DNAJB12: variants seen among roughly 807,000 people sequenced by gnomAD.
DNAJB12 encodes the protein dnaJ homolog subfamily B member 12.
DNAJB12 carries 14 observed loss-of-function variants against 40.6 expected under a neutral mutation model. The ratio of observed to expected loss-of-function variants is 0.34; its 90% CI spans 0.23 to 0.54. The LOEUF is 0.54. Ranked by LOEUF, DNAJB12 falls within the 20% of genes least tolerant of loss-of-function variation. DNAJB12 has a pLI of 0.92. For missense variants in DNAJB12, 444 were observed against 501.7 expected, an observed-to-expected ratio of 0.89 and a Z score of 1.10; for synonymous variants, 181 against 199.5, an observed-to-expected ratio of 0.91 and a Z score of 0.78.
chr10:72,344,818 C>T, intron 2 of DNAJB12, 132 bp downstream of exon 2: 1 of 1,051,266 alleles, frequency 9.5e-7, no homozygotes, highest in Non-Finnish European at 1.4e-6. Flanking sequence ...GACCCTTGGA[C>T]CTTCTCCATC....
intron 1 of DNAJB12, chr10:72,353,984 G>A (rs780692495): frequency 1.3e-5 from 2 of 152,250 alleles, no homozygotes; most frequent in African/African-American, 2.4e-5. Flanking sequence ...GAAGCGAGGT[G>A]ATGAGTTGTA....
In DNAJB12 at chr10:72,338,317, G is replaced by A. The variant is rs760877604; in HGVS notation, c.724-6C>T. ...ACAAACACCCCTAGCCCGCCCTGGA[G>A]GGAAGAGCCAATGTCACTCTGCTGG... On this transcript the variant is annotated splice_region_variant and splice_polypyrimidine_tract_variant and intron_variant, in intron 5 of 8. Transcript: ENST00000444643. 6.2e-7 allele frequency: 1 copy of A among 1,613,610 alleles called. No individual in the cohort carries two copies.
Position 72,336,552 on chromosome 10 carries a change from C to T in DNAJB12, c.978G>A (p.Arg326=). Residue 326 remains arginine, a synonymous_variant, in exon 7 of 9, where the codon CGG becomes CGA. Coordinates refer to ENST00000444643, the MANE Select transcript of DNAJB12 (RefSeq NM_017626.7). The stretch of plus-strand genomic sequence containing the variant: ...GCTGCTTCTCCTTCCAGCAGTTGTT[C>T]CGGAGGTTGGCGATATAATCATCTT... ...NVEDDYIANL[R]NNCWKEKQQK... 1 of 1,614,044 alleles carries T rather than the reference C, an allele frequency of 6.2e-7. No homozygotes were observed. Among genetic ancestry groups the T allele is most frequent in the African/African-American group, 1.3e-5 (1 of 75,050 alleles).
chr10:72,343,214 T>G, intron 3 of DNAJB12, 152 bp downstream of exon 3: 1 of 927,182 alleles, frequency 1.1e-6, no homozygotes. Flanking sequence ...AGAACCTTTT[T>G]CCCAAGAAGC....
At chr10:72,340,683 TG>T in intron 5 of DNAJB12, 105 bp downstream of exon 5, 1 of 1,146,658 alleles carries the variant, frequency 8.7e-7, no homozygotes, top group Non-Finnish European at 1.3e-6. Flanking sequence ...GGGACTCTGC[TG>T]GTCCCAGAAT....
chr10:72,347,574 G>GT (rs1485252540), intron 1 of DNAJB12, among the ~76,000 whole-genome samples: 5 of 152,242 alleles, frequency 3.3e-5, no homozygotes, highest in African/African-American at 1.2e-4. Flanking sequence ...AATGTCTGGA[G>GT]TCTATACAGG....
chr10:72,337,875 C>T (rs34677638), intron 6 of DNAJB12, among the ~76,000 whole-genome samples: 27 of 151,736 alleles, frequency 1.8e-4, no homozygotes, highest in South Asian at 4.2e-4. Context: ...TATATGTGTG[C>T]GTGTATGTGT....
chr10:72,345,673 G>A (rs145801038), intron 1 of DNAJB12, among the ~76,000 whole-genome samples: 1,665 of 150,986 alleles, frequency 0.011, 6 homozygotes, highest in Non-Finnish European at 0.019. Context: ...AGGAGTTTGT[G>A]ACCAGCCCGG....
rs1190147432 is a variant in DNAJB12 at position 72,354,749 on chromosome 10, G to A, written c.133+16C>T. On this transcript the variant is annotated intron_variant, in intron 1 of 8. Coordinates refer to ENST00000444643, the MANE Select transcript of DNAJB12 (RefSeq NM_017626.7). ...CAGTTCTAATGTCCCCAGTCTCTCC[G>A]GCACCTCACACTCACCGCGAACTCG... 1.2e-6 allele frequency: 2 copies of A among 1,603,252 alleles called. No individual in the cohort carries two copies. Among genetic ancestry groups the A allele is most frequent in the East Asian group, 2.2e-5 (1 of 44,718 alleles).
intron 1 of DNAJB12, among the ~76,000 whole-genome samples, chr10:72,350,546 G>A (rs1291002783): frequency 1.3e-5 from 2 of 152,010 alleles, no homozygotes; most frequent in African/African-American, 4.8e-5. Context: ...AAGAGGAAAT[G>A]AGTGAATGCC....
intron 1 of DNAJB12, among the ~76,000 whole-genome samples, chr10:72,348,315 T>C (rs1160466853): frequency 2.0e-5 from 3 of 152,248 alleles, no homozygotes; most frequent in Non-Finnish European, 4.4e-5. Context: ...TGTGTCCATT[T>C]ATTCCAGGCA....
At chr10:72,341,908 G>C (rs550777066) in intron 3 of DNAJB12, among the ~76,000 whole-genome samples, 1 of 152,272 alleles carries the variant, frequency 6.6e-6, no homozygotes, top group African/African-American at 2.4e-5. Flanking sequence ...GGTGTCTCTT[G>C]CTTCAAGTTC....
intron 1 of DNAJB12, 120 bp from the exon 2 acceptor site, chr10:72,345,247 T>C: frequency 8.3e-7 from 1 of 1,198,284 alleles, no homozygotes; most frequent in Non-Finnish European, 1.2e-6. Flanking sequence ...CCTGCCCTGA[T>C]TAGGCCTGTG....
rs1013917677 is a variant in DNAJB12, at chr10:72,335,025, C to T, written c.*31-408G>A. On this transcript the variant is annotated intron_variant, in intron 8 of 8. Transcript: ENST00000444643. The surrounding 1 kb of genome is among the most constrained non-coding windows in gnomAD (Gnocchi z 4.4). ...AGCAACTCTCATTTCCCCTCCACCC[C>T]TCCTGTGCTGAGCGGCTGCGTCTGA... The T allele has an allele frequency of 9.6e-7, 1 of 1,045,758 alleles. No homozygotes were observed. Among genetic ancestry groups the T allele is most frequent in the Non-Finnish European group, 1.2e-6 (1 of 868,616 alleles). The allele number at this position is 1,045,758 out of a possible 1,614,324, so 64.8% of individuals were successfully genotyped here. A position where few individuals can be genotyped will look rare whatever the true frequency, so the allele number is the denominator to read the frequency against.
chr10:72,351,178 A>G (rs1216677171), intron 1 of DNAJB12, among the ~76,000 whole-genome samples: 5 of 152,170 alleles, frequency 3.3e-5, no homozygotes, highest in Non-Finnish European at 7.3e-5. Flanking sequence ...ACAAAGCCTG[A>G]GTCAAAGCCA....
chr10:72,335,656 G>A lies in DNAJB12; in HGVS notation c.*30+124C>T. On this transcript the variant is annotated intron_variant, in intron 8 of 8. Coordinates refer to ENST00000444643, the MANE Select transcript of DNAJB12 (RefSeq NM_017626.7). The surrounding 1 kb of genome is among the most constrained non-coding windows in gnomAD (Gnocchi z 4.4). ...CTCGGTCTCTGGAGGCTGGAGGTCA[G>A]GCTGGGGACAGGAGTCTTTGCCACA... 6.9e-7 allele frequency: 1 copy of A among 1,444,446 alleles called. No homozygotes were observed. Among genetic ancestry groups the A allele is most frequent in the Non-Finnish European group, 9.1e-7 (1 of 1,100,202 alleles). The allele number at this position is 1,444,446 out of a possible 1,614,324, so 89.5% of individuals were successfully genotyped here. A position where few individuals can be genotyped will look rare whatever the true frequency, so the allele number is the denominator to read the frequency against.
chr10:72,351,198 C>T (rs1348530614), intron 1 of DNAJB12, among the ~76,000 whole-genome samples: 2 of 152,156 alleles, frequency 1.3e-5, no homozygotes, highest in Admixed American at 6.5e-5. Flanking sequence ...AATGGCTTAC[C>T]AGGCTGCCAG....
intron 5 of DNAJB12, among the ~76,000 whole-genome samples, chr10:72,339,992 T>A (rs1225391501): frequency 1.3e-5 from 2 of 152,206 alleles, no homozygotes; most frequent in African/African-American, 4.8e-5. Context: ...AATATCTTTT[T>A]AAAAGTATCT....
At chr10:72,339,238 CA>C (rs10695425) in intron 5 of DNAJB12, among the ~76,000 whole-genome samples, 151 of 111,288 alleles carry the variant, frequency 1.4e-3, no homozygotes, top group East Asian at 3.3e-3. Context: ...GACCCTGTCT[CA>C]AAAAAAAAAA....
Sources: gnomAD v4.1 joint callset for allele counts (sites outside exome capture counted in the v4.1 genomes callset) on GRCh38, gnomAD v4.1.1 for gene constraint, Gnocchi (gnomAD v3.1) non-coding constraint, MANE v1.5 for transcripts, NCBI Gene and HGNC (gene_info 2026-07-23, HGNC 2026-07-21) for gene names.